Variants in WDR11 observed in about 807,000 individuals in gnomAD.
WDR11 encodes WD repeat domain 11.
WDR11 carries 83 observed loss-of-function variants against 151.2 expected under a neutral mutation model. That is an observed-to-expected ratio of 0.55 (90% CI 0.46 to 0.66). The LOEUF is 0.66. Among genes scored for constraint, WDR11 ranks in the 30% least tolerant of loss-of-function variants. WDR11 has a pLI of 0.00. For synonymous variants in WDR11, 484 were observed against 533.1 expected, an observed-to-expected ratio of 0.91 and a Z score of 1.27; for missense variants, 1,301 against 1,480.9, an observed-to-expected ratio of 0.88 and a Z score of 1.99.
intron 26 of WDR11, 149 bp downstream of exon 26, chr10:120,905,565 T>G (rs986762919): frequency 1.1e-6 from 1 of 875,480 alleles, no homozygotes; most frequent in Non-Finnish European, 1.8e-6. Context: ...TTTCCTATTC[T>G]TTATGAGTGT....
intron 11 of WDR11, among the ~76,000 whole-genome samples, chr10:120,874,213 T>TTG: frequency 8.2e-6 from 1 of 122,460 alleles, no homozygotes; most frequent in Non-Finnish European, 1.7e-5. Context: ...TTGTTGTTTG[T>TTG]TTTGTTTTGT....
intron 3 of WDR11, among the ~76,000 whole-genome samples, chr10:120,859,374 TCTC>T (rs1435863995): frequency 6.6e-6 from 1 of 151,556 alleles, no homozygotes; most frequent in Non-Finnish European, 1.5e-5. Flanking sequence ...TTCACGCCAT[TCTC>T]CTGCCTCAGC....
chr10:120,868,562 T>G (rs958992219), intron 9 of WDR11: 1 of 152,220 alleles, frequency 6.6e-6, no homozygotes, highest in Non-Finnish European at 1.5e-5. Context: ...ACATATTACC[T>G]TGGTACAGCT....
chr10:120,853,064 A>T (rs10886786), intron 2 of WDR11, among the ~76,000 whole-genome samples: 98,941 of 151,884 alleles, frequency 0.65, 33,104 homozygotes, highest in African/African-American at 0.82. Flanking sequence ...ACAGAAGTCT[A>T]CAGTTTCAAG....
chr10:120,903,987 T>G, intron 23 of WDR11, 60 bp from the exon 24 acceptor site: 1 of 1,196,676 alleles, frequency 8.4e-7, no homozygotes, highest in South Asian at 1.3e-5. Context: ...TACAGTAAAA[T>G]TTAAATAATT....
At chr10:120,860,589 T>C (rs1014465159) in intron 4 of WDR11, among the ~76,000 whole-genome samples, 3 of 152,216 alleles carry the variant, frequency 2.0e-5, no homozygotes, top group Non-Finnish European at 4.4e-5. Context: ...TAATTAGTTC[T>C]TCTAAGAACA....
chr10:120,905,246 G>A (rs2133816979), intron 25 of WDR11, 73 bp from the exon 26 acceptor site: 1 of 1,458,384 alleles, frequency 6.9e-7, no homozygotes, highest in Non-Finnish European at 9.6e-7. Context: ...GTCAAATGGG[G>A]ATTTAACTTT....
intron 11 of WDR11, among the ~76,000 whole-genome samples, chr10:120,874,231 T>TG (rs1469215076): frequency 5.0e-5 from 7 of 141,346 alleles, no homozygotes; most frequent in African/African-American, 1.8e-4. Context: ...TGTTTTGTTT[T>TG]TTTTAAATGG....
At chr10:120,890,134 A>G in intron 18 of WDR11, 125 bp downstream of exon 18, 1 of 685,940 alleles carries the variant, frequency 1.5e-6, no homozygotes, top group Non-Finnish European at 2.6e-6. Context: ...GTTTCCCATA[A>G]CAAATTATTT....
chr10:120,888,792 T>TC (rs201466761), intron 16 of WDR11, among the ~76,000 whole-genome samples: 68 of 152,026 alleles, frequency 4.5e-4, no homozygotes, highest in African/African-American at 7.7e-4. Flanking sequence ...TACTTTAATT[T>TC]CCCCCTTTTT....
intron 13 of WDR11, among the ~76,000 whole-genome samples, chr10:120,883,367 G>C (rs767522988): frequency 6.6e-6 from 1 of 152,164 alleles, no homozygotes; most frequent in Non-Finnish European, 1.5e-5. Flanking sequence ...AGTGGCATTT[G>C]TTGAATACCA....
chr10:120,852,706 C>T, intron 2 of WDR11, 71 bp downstream of exon 2: 1 of 1,295,948 alleles, frequency 7.7e-7, no homozygotes. Context: ...TCACTAAGCT[C>T]TCATTAAGTC....
chr10:120,879,665 A>G (rs1846928717), intron 12 of WDR11: 1 of 152,194 alleles, frequency 6.6e-6, no homozygotes, highest in African/African-American at 2.4e-5. Flanking sequence ...TAGATGGTAG[A>G]CTTTTATAGC....
chr10:120,890,523 A>G (rs1364561498), intron 18 of WDR11, among the ~76,000 whole-genome samples, 193 bp from the exon 19 acceptor site: 1 of 152,104 alleles, frequency 6.6e-6, no homozygotes, highest in African/African-American at 2.4e-5. Context: ...CGATTTATTT[A>G]TTTTTTAATA....
chr10:120,902,864 C>T (rs1319258844), intron 22 of WDR11, among the ~76,000 whole-genome samples, 191 bp from the exon 23 acceptor site: 1 of 152,056 alleles, frequency 6.6e-6, no homozygotes, highest in Non-Finnish European at 1.5e-5. Flanking sequence ...TGCAGTCAGG[C>T]CCCCGTATTG....
intron 2 of WDR11, 131 bp from the exon 3 acceptor site, chr10:120,858,512 T>C: frequency 8.9e-7 from 1 of 1,122,488 alleles, no homozygotes; most frequent in Non-Finnish European, 1.3e-6. Context: ...TGAAAACCAG[T>C]TTTCTGTTTA....
At chr10:120,882,395 C>T (rs1166607144) in intron 13 of WDR11, among the ~76,000 whole-genome samples, 1 of 151,316 alleles carries the variant, frequency 6.6e-6, no homozygotes, top group Non-Finnish European at 1.5e-5. Context: ...CCTTGCAGAA[C>T]GTGTTGTAAA....
At chr10:120,881,101 AGAT>A (rs1300803956) in intron 13 of WDR11, among the ~76,000 whole-genome samples, 200 bp downstream of exon 13, 2 of 152,232 alleles carry the variant, frequency 1.3e-5, no homozygotes, top group African/African-American at 4.8e-5. Context: ...ACTTCTAAAA[AGAT>A]GAAGTAACTT....
Position 120,903,968 on chromosome 10 carries a change from CTTA to C in WDR11, c.2932-75_2932-73del, listed in dbSNP as rs1292518921. 5.5e-5 allele frequency: 52 copies of C among 940,354 alleles called. No homozygotes were observed. The South Asian group carries it at 6.9e-4, about 12-fold the overall frequency. 58.3% of individuals were successfully genotyped at this position (940,354 alleles called of 1,614,324 possible). ...AGTCAAAGTAGTTTATTAAAATGAT[CTTA>C]TTAAGTACAGTAAAATTTAAATAAT... On this transcript the variant is annotated intron_variant, in intron 23 of 28. Transcript: ENST00000263461.
Sources: allele counts gnomAD v4.1 joint callset (sites outside exome capture counted in the v4.1 genomes callset), GRCh38; gene constraint gnomAD v4.1.1; transcripts MANE v1.5; gene names NCBI Gene and HGNC (gene_info 2026-07-23, HGNC 2026-07-21).